DRC12: variants seen among roughly 807,000 people sequenced by gnomAD.
DRC12 encodes dynein regulatory complex protein 12.
the DRC12 span, chr11:119,194,777 CT>C: frequency 4.2e-4 from 250 of 593,006 alleles, 4 homozygotes; most frequent in African/African-American, 4.4e-3. Flanking sequence ...ACTGCCCACC[CT>C]CTCTCATCAT....
the DRC12 span, chr11:119,190,869 G>A: frequency 6.2e-7 from 1 of 1,603,446 alleles, no homozygotes; most frequent in Non-Finnish European, 8.5e-7. The surrounding 1 kb of genome is among the most constrained non-coding windows in gnomAD (Gnocchi z 4.2). Flanking sequence ...AAAGAGAGCA[G>A]GATGGTGACA....
chr11:119,195,380 A>G, the DRC12 span: 2 of 1,518,846 alleles, frequency 1.3e-6, no homozygotes, highest in Non-Finnish European at 1.8e-6. Context: ...TCTTCATGGC[A>G]GAACATGGAG....
At chr11:119,190,305 G>A in the DRC12 span, 1 of 1,614,168 alleles carries the variant, frequency 6.2e-7, no homozygotes, top group Middle Eastern at 1.6e-4. The surrounding 1 kb of genome is among the most constrained non-coding windows in gnomAD (Gnocchi z 4.2). Flanking sequence ...GAACACTAGA[G>A]ACTAGGGGCT....
At chr11:119,193,307 T>C in the DRC12 span, 5 of 1,400,250 alleles carry the variant, frequency 3.6e-6, no homozygotes, top group African/African-American at 7.1e-5. Context: ...AGAAAGGAAA[T>C]GAAGTTGTGG....
chr11:119,193,019 G>A, the DRC12 span: 1 of 778,296 alleles, frequency 1.3e-6, no homozygotes, highest in Non-Finnish European at 2.2e-6. Context: ...TGGAGGGTCA[G>A]CGAAAGTGGG....
At chr11:119,190,567 C>T in the DRC12 span, 1 of 1,557,700 alleles carries the variant, frequency 6.4e-7, no homozygotes, top group Non-Finnish European at 8.8e-7. This position sits in a 1 kb window ranked among gnomAD's most constrained non-coding sequence, Gnocchi z 4.2. Flanking sequence ...TCCCCTCTGT[C>T]TGCCCTCAGG....
chr11:119,190,924 C>A, the DRC12 span: 1 of 1,482,142 alleles, frequency 6.7e-7, no homozygotes, highest in Non-Finnish European at 9.0e-7. This position sits in a 1 kb window ranked among gnomAD's most constrained non-coding sequence, Gnocchi z 4.2. Flanking sequence ...GAAAGGAGAC[C>A]TCAAATGGGC....
chr11:119,195,274 C>T, the DRC12 span: 1 of 729,438 alleles, frequency 1.4e-6, no homozygotes, highest in Admixed American at 2.8e-5. Context: ...TCCTCAGCTC[C>T]CTGGATCTGG....
chr11:119,193,995 A>G, the DRC12 span: 6 of 1,051,856 alleles, frequency 5.7e-6, no homozygotes, highest in African/African-American at 8.0e-5. Flanking sequence ...TGGGGTGTCC[A>G]GCCTCTTACT....
chr11:119,195,577 T>C, the DRC12 span: 59 of 1,025,310 alleles, frequency 5.8e-5, no homozygotes, highest in Non-Finnish European at 2.9e-5. Flanking sequence ...ACCAGGAGAC[T>C]CTCCTGAGTC....
chr11:119,193,234 C>A, the DRC12 span: 2 of 1,613,768 alleles, frequency 1.2e-6, no homozygotes, highest in Non-Finnish European at 1.7e-6. Flanking sequence ...ATGGCACTGG[C>A]GACTCATCTC....
chr11:119,190,867 C>G, the DRC12 span: 1 of 1,604,046 alleles, frequency 6.2e-7, no homozygotes. The surrounding 1 kb of genome is among the most constrained non-coding windows in gnomAD (Gnocchi z 4.2). Context: ...TGAAAGAGAG[C>G]AGGATGGTGA....
the DRC12 span, chr11:119,195,354 G>T: frequency 7.3e-7 from 1 of 1,378,644 alleles, no homozygotes; most frequent in Non-Finnish European, 1.0e-6. Context: ...ATTCTCTCTG[G>T]AGGAGCTCTG....
the DRC12 span, chr11:119,195,487 T>C: frequency 6.4e-7 from 1 of 1,551,308 alleles, no homozygotes; most frequent in Non-Finnish European, 8.7e-7. Context: ...TTAGGTGGCA[T>C]CTCCTTGCTG....
the DRC12 span, chr11:119,193,545 A>T: frequency 7.1e-7 from 1 of 1,412,376 alleles, no homozygotes; most frequent in Non-Finnish European, 9.3e-7. Flanking sequence ...CATCAAGCAC[A>T]TGGCACCAGG....
chr11:119,194,675 C>T, the DRC12 span, among the ~76,000 whole-genome samples: 1 of 151,890 alleles, frequency 6.6e-6, no homozygotes, highest in East Asian at 1.9e-4. Flanking sequence ...CCACTGCACT[C>T]CAGCCCGGGC....
At chr11:119,193,765 C>T in the DRC12 span, 8 of 1,551,576 alleles carry the variant, frequency 5.2e-6, no homozygotes, top group African/African-American at 6.8e-5. Context: ...CGACCACACA[C>T]CTGCATATAT....
At chr11:119,194,541 A>AAAAAAAAAAAAAAAAAAAAAAAG in the DRC12 span, among the ~76,000 whole-genome samples, 3 of 66,002 alleles carry the variant, frequency 4.5e-5, no homozygotes, top group African/African-American at 6.3e-5. Flanking sequence ...AAAAAAAAAA[A>AAAAAAAAAAAAAAAAAAAAAAAG]AAAATAAATA....
At chr11:119,192,822 T>G in the DRC12 span, among the ~76,000 whole-genome samples, 4 of 152,302 alleles carry the variant, frequency 2.6e-5, no homozygotes, top group Admixed American at 1.3e-4. Flanking sequence ...AATTTTTATA[T>G]TTTTAGTAGA....
Sources: allele counts gnomAD v4.1 joint callset (sites outside exome capture counted in the v4.1 genomes callset), GRCh38; gene constraint gnomAD v4.1.1; non-coding constraint Gnocchi (gnomAD v3.1); transcripts MANE v1.5; gene names NCBI Gene and HGNC (gene_info 2026-07-23, HGNC 2026-07-21).